ROBO1: variants seen among roughly 807,000 people sequenced by gnomAD.
The protein encoded by ROBO1 is roundabout guidance receptor 1, also known as roundabout homolog 1.
Under a neutral mutation model 195.9 loss-of-function variants are expected in ROBO1, and 149 were observed. The observed-to-expected ratio is 0.76, with a 90% confidence interval of 0.67 to 0.87. The LOEUF is 0.87. ROBO1 is among the 40% of genes least tolerant of loss of function. The pLI is 0.00. For missense variants in ROBO1, 1,933 were observed against 2,068.3 expected (o/e 0.93, Z 1.27); for synonymous variants, 816 against 733.2 (o/e 1.11, Z -1.82).
chr3:78,870,566 G>A (rs117678466), intron 4 of ROBO1, among the ~76,000 whole-genome samples: 1 of 152,132 alleles, frequency 6.6e-6, no homozygotes, highest in African/African-American at 2.4e-5. Context: ...ACAGAAATTG[G>A]TAGGAATAAA....
At chr3:79,511,093 C>T (rs1940679342) in intron 2 of ROBO1, among the ~76,000 whole-genome samples, 1 of 152,080 alleles carries the variant, frequency 6.6e-6, no homozygotes, top group Admixed American at 6.6e-5. Flanking sequence ...CAGCACAACA[C>T]ACAAGATTTG....
chr3:79,001,401 G>A (rs998240155), intron 3 of ROBO1, among the ~76,000 whole-genome samples: 2 of 152,046 alleles, frequency 1.3e-5, no homozygotes, highest in Non-Finnish European at 2.9e-5. Context: ...TCCCTCCCAC[G>A]ACACATGGGG....
intron 3 of ROBO1, among the ~76,000 whole-genome samples, chr3:79,037,974 T>C (rs865950919): frequency 6.6e-6 from 1 of 152,178 alleles, no homozygotes. Context: ...TCCATTGTCC[T>C]TTCATTATGA....
intron 26 of ROBO1, among the ~76,000 whole-genome samples, chr3:78,626,714 T>G (rs1393683486): frequency 6.6e-6 from 1 of 151,232 alleles, no homozygotes; most frequent in Non-Finnish European, 1.5e-5. Context: ...GGATGCTCAA[T>G]ACATAGGTTT....
At chr3:78,934,639 A>G (rs2039702341) in intron 4 of ROBO1, among the ~76,000 whole-genome samples, 1 of 151,980 alleles carries the variant, frequency 6.6e-6, no homozygotes, top group Admixed American at 6.6e-5. Flanking sequence ...GTTAGTTCTA[A>G]GCTACGGTGC....
chr3:79,442,130 A>ACTGCC (rs1381963515), intron 2 of ROBO1, among the ~76,000 whole-genome samples: 17 of 152,160 alleles, frequency 1.1e-4, no homozygotes, highest in African/African-American at 3.9e-4. Flanking sequence ...TTCACAGAAG[A>ACTGCC]CTGCCTTAAA....
At chr3:78,953,819 T>C (rs1268422981) in intron 3 of ROBO1, among the ~76,000 whole-genome samples, 1 of 151,956 alleles carries the variant, frequency 6.6e-6, no homozygotes, top group Non-Finnish European at 1.5e-5. Context: ...GAGGCTAAAA[T>C]ACCTACACTT....
At chr3:78,748,183 C>T (rs561202129) in intron 4 of ROBO1, among the ~76,000 whole-genome samples, 20 of 152,210 alleles carry the variant, frequency 1.3e-4, no homozygotes, top group Admixed American at 6.5e-4. Flanking sequence ...TGGTGGCTTA[C>T]GCCTATAATC....
chr3:79,584,011 C>T (rs1943739682), intron 2 of ROBO1, among the ~76,000 whole-genome samples: 1 of 151,712 alleles, frequency 6.6e-6, no homozygotes, highest in African/African-American at 2.4e-5. Context: ...AAAGATAAAA[C>T]ATTCTGTCAT....
At chr3:79,693,085 T>C (rs1012757809) in intron 1 of ROBO1, among the ~76,000 whole-genome samples, 3 of 151,786 alleles carry the variant, frequency 2.0e-5, no homozygotes, top group African/African-American at 7.3e-5. Context: ...AGATTATGGA[T>C]GTTCTGCTTG....
intron 2 of ROBO1, among the ~76,000 whole-genome samples, chr3:79,141,480 G>C (rs1333045698): frequency 2.0e-5 from 3 of 152,022 alleles, no homozygotes; most frequent in Non-Finnish European, 4.4e-5. Context: ...TCGAGGACCA[G>C]AAAGCGCAGT....
At chr3:79,182,203 C>T (rs79347637) in intron 2 of ROBO1, among the ~76,000 whole-genome samples, 3,443 of 152,140 alleles carry the variant, frequency 0.023, 109 homozygotes, top group African/African-American at 0.074. Flanking sequence ...AGACAAATTG[C>T]TCTTTAGCAT....
intron 2 of ROBO1, among the ~76,000 whole-genome samples, chr3:79,146,894 G>T (rs987032652): frequency 6.6e-6 from 1 of 151,876 alleles, no homozygotes; most frequent in African/African-American, 2.4e-5. Flanking sequence ...TAAGCAGAAG[G>T]AAATGGTGAA....
intron 3 of ROBO1, among the ~76,000 whole-genome samples, chr3:79,063,510 C>CAA (rs11441603): frequency 0.031 from 4,175 of 136,368 alleles, 96 homozygotes; most frequent in South Asian, 0.093. Flanking sequence ...TTTCTCATTC[C>CAA]AAAAAAAAAA....
chr3:78,704,661 CAAAAAAAAAA>C (rs1160098731), intron 8 of ROBO1, among the ~76,000 whole-genome samples: 23 of 61,694 alleles, frequency 3.7e-4, no homozygotes, highest in Admixed American at 3.1e-3. Context: ...CTCATCTCTC[CAAAAAAAAAA>C]AAAAAAAAAA....
chr3:79,570,147 A>ACAACTGCAT (rs1427700053), intron 2 of ROBO1, among the ~76,000 whole-genome samples: 1 of 152,138 alleles, frequency 6.6e-6, no homozygotes, highest in Non-Finnish European at 1.5e-5. Context: ...GATGGCAAGC[A>ACAACTGCAT]CAACTGCATT....
At chr3:79,667,497 T>G (rs1478121515) in intron 1 of ROBO1, among the ~76,000 whole-genome samples, 1 of 151,882 alleles carries the variant, frequency 6.6e-6, no homozygotes, top group Non-Finnish European at 1.5e-5. Context: ...GAGAGTTGTC[T>G]TAAGGAATAA....
intron 3 of ROBO1, among the ~76,000 whole-genome samples, chr3:79,074,241 T>C (rs966728585): frequency 2.0e-5 from 3 of 151,858 alleles, no homozygotes; most frequent in Non-Finnish European, 4.4e-5. Context: ...GCGCTCTCCA[T>C]TGCTTCACCT....
At chr3:78,678,655 A>G (rs578122838) in intron 10 of ROBO1, among the ~76,000 whole-genome samples, 2,288 of 152,236 alleles carry the variant, frequency 0.015, 44 homozygotes, top group African/African-American at 0.052. Context: ...TAGACCAATA[A>G]CAGGATCTGA....
Sources: gnomAD v4.1 joint callset for allele counts (sites outside exome capture counted in the v4.1 genomes callset) on GRCh38, gnomAD v4.1.1 for gene constraint, MANE v1.5 for transcripts, NCBI Gene and HGNC (gene_info 2026-07-23, HGNC 2026-07-21) for gene names.